Variants in ADARB2 observed in about 807,000 individuals in gnomAD.
ADARB2 encodes inactive double-stranded RNA-specific editase B2.
Under a neutral mutation model 62.2 loss-of-function variants are expected in ADARB2, and 25 were observed. The ratio of observed to expected loss-of-function variants is 0.40; its 90% CI spans 0.29 to 0.56. ADARB2 has a LOEUF of 0.56. Ranked by LOEUF, ADARB2 falls within the 20% of genes least tolerant of loss-of-function variation. The probability of loss-of-function intolerance (pLI) is 0.43; values close to 1 mark genes in which losing one functional copy is unlikely to be tolerated. For synonymous variants in ADARB2, 572 were observed against 500.8 expected, an observed-to-expected ratio of 1.14 and a Z score of -1.90; for missense variants, 1,071 against 1,077.4, an observed-to-expected ratio of 0.99 and a Z score of 0.08.
chr10:1,305,754 A>G (rs1231748356), intron 3 of ADARB2, among the ~76,000 whole-genome samples: 1 of 152,214 alleles, frequency 6.6e-6, no homozygotes, highest in East Asian at 1.9e-4. Flanking sequence ...CAACATACGA[A>G]AATCAATAAA....
intron 1 of ADARB2, among the ~76,000 whole-genome samples, chr10:1,470,335 G>C (rs146030998): frequency 2.6e-5 from 4 of 152,324 alleles, no homozygotes; most frequent in African/African-American, 9.6e-5. Context: ...CAGTACACAC[G>C]TCTTTCCATA....
chr10:1,257,955 C>G (rs1160451221), intron 4 of ADARB2, among the ~76,000 whole-genome samples: 1 of 152,194 alleles, frequency 6.6e-6, no homozygotes. Context: ...CACTCAGTTT[C>G]ACATTTGTTC....
chr10:1,560,896 A>T (rs17221818), intron 1 of ADARB2, among the ~76,000 whole-genome samples: 18,115 of 152,146 alleles, frequency 0.12, 1,337 homozygotes, highest in South Asian at 0.27. Flanking sequence ...TCTTCCAAAT[A>T]CGTCTTGCCA....
rs1564248559 is a variant in ADARB2, at chr10:1,292,997, GGAGGGAAGGAGAGAGGGAGGGGA to G, written c.1078-21951_1078-21929del. On this transcript the variant is annotated intron_variant, in intron 3 of 9. Transcript: ENST00000381312. ...GAGGGAAGGAGAGAGAGAGGGAGAG[GGAGGGAAGGAGAGAGGGAGGGGA>G]GAGAGAGGGACACAGGAAGAGATGC... 5.1e-4 allele frequency: 32 copies of G among 62,400 alleles called. 3 individuals carry two copies. Among genetic ancestry groups the G allele is most frequent in the Admixed American group, 3.8e-4 (2 of 5,252 alleles). 3.9% of individuals were successfully genotyped at this position (62,400 alleles called of 1,614,324 possible).
At chr10:1,491,939 C>A (rs1831627429) in intron 1 of ADARB2, among the ~76,000 whole-genome samples, 1 of 152,202 alleles carries the variant, frequency 6.6e-6, no homozygotes, top group East Asian at 1.9e-4. Flanking sequence ...AAAGCTACTT[C>A]TAATTTGTAA....
chr10:1,362,131 A>C (rs1832264026), intron 3 of ADARB2, among the ~76,000 whole-genome samples: 2 of 152,262 alleles, frequency 1.3e-5, no homozygotes, highest in Admixed American at 6.5e-5. Context: ...GTGCACACTG[A>C]CTTCCTAGAG....
chr10:1,273,839 G>A (rs1831287935), intron 3 of ADARB2, among the ~76,000 whole-genome samples: 1 of 152,188 alleles, frequency 6.6e-6, no homozygotes, highest in Non-Finnish European at 1.5e-5. Flanking sequence ...CATCTCCCAG[G>A]GAAAGCATCC....
At chr10:1,498,912 T>C (rs927740253) in intron 1 of ADARB2, among the ~76,000 whole-genome samples, 3 of 152,094 alleles carry the variant, frequency 2.0e-5, no homozygotes, top group African/African-American at 7.2e-5. Flanking sequence ...CACTCATCAC[T>C]CAACACTCAT....
intron 1 of ADARB2, among the ~76,000 whole-genome samples, chr10:1,435,042 G>A (rs1044790421): frequency 1.3e-5 from 2 of 152,262 alleles, no homozygotes; most frequent in Non-Finnish European, 2.9e-5. Context: ...GGAAGATTCA[G>A]ATCCTCAAAA....
At chr10:1,530,902 TCAGCACTCAGGTCTCAGCACTCAGCACC>T (rs1444468456) in intron 1 of ADARB2, among the ~76,000 whole-genome samples, 10 of 151,294 alleles carry the variant, frequency 6.6e-5, no homozygotes, top group Non-Finnish European at 8.9e-5. Flanking sequence ...GTCTCAGCAC[TCAGCACTCAGGTCTCAGCACTCAGCACC>T]CAGCACTCAG....
intron 1 of ADARB2, among the ~76,000 whole-genome samples, chr10:1,431,508 A>C (rs1280314077): frequency 6.6e-6 from 1 of 152,184 alleles, no homozygotes; most frequent in Admixed American, 6.5e-5. Flanking sequence ...TTACATTAGA[A>C]ATGAAGAAAG....
At chr10:1,508,353 T>C (rs778559001) in intron 1 of ADARB2, among the ~76,000 whole-genome samples, 1 of 152,210 alleles carries the variant, frequency 6.6e-6, no homozygotes, top group South Asian at 2.1e-4. Context: ...AAGCTATGTG[T>C]GAGCATGAAG....
At chr10:1,561,078 A>T (rs1832779969) in intron 1 of ADARB2, among the ~76,000 whole-genome samples, 1 of 152,260 alleles carries the variant, frequency 6.6e-6, no homozygotes. Context: ...AAAAAACACA[A>T]GTGAAACTAA....
At chr10:1,571,611 G>A (rs1564334138) in intron 1 of ADARB2, among the ~76,000 whole-genome samples, 1 of 152,226 alleles carries the variant, frequency 6.6e-6, no homozygotes, top group Non-Finnish European at 1.5e-5. Context: ...TTTAGTTGCA[G>A]AGGTGAGAGT....
rs186226910 is a variant in ADARB2 at position 1,657,552 on chromosome 10, G to A, written c.100+79499C>T. ...CCATCTCTCTCCCCTCTGAAGCCACGGTTTCCTGAAGGTCTCCCATTTCTG... is the reference window on the plus strand; with the variant it reads ...CCATCTCTCTCCCCTCTGAAGCCACAGTTTCCTGAAGGTCTCCCATTTCTG... On this transcript the variant is annotated intron_variant, in intron 1 of 9. Coordinates refer to ENST00000381312, the MANE Select transcript of ADARB2 (RefSeq NM_018702.4). Among the ~76,000 whole-genome samples the A allele has an allele frequency of 3.4e-4, 52 of 152,254 alleles. No homozygotes were observed. The East Asian group carries it at 8.5e-3, about 25-fold the overall frequency.
chr10:1,398,314 T>C lies in ADARB2; in HGVS notation c.101-19154A>G, dbSNP rs1038140938. Among the ~76,000 whole-genome samples the C allele has an allele frequency of 7.9e-5, 12 of 152,214 alleles. No individual in the cohort carries two copies. Among genetic ancestry groups the C allele is most frequent in the Non-Finnish European group, 1.5e-4 (10 of 68,012 alleles). On this transcript the variant is annotated intron_variant, in intron 1 of 9. Transcript: ENST00000381312. The surrounding 1 kb of genome is among the most constrained non-coding windows in gnomAD (Gnocchi z 4.1). ...GCTTCGCCTGCTTCCTGCAATTGTG[T>C]CCAGGGCGCAGGAAGCTGCCCAGCA...
chr10:1,327,431 T>G lies in ADARB2; in HGVS notation c.1077+35597A>C, dbSNP rs373944431. Among the ~76,000 whole-genome samples, 132 of 43,672 alleles carry G rather than the reference T, an allele frequency of 3.0e-3. 19 individuals carry two copies. The highest frequency in any genetic ancestry group is 0.013 in the African/African-American group (83 of 6,224). The allele number at this position is 43,672 out of a possible 152,430, so 28.7% of individuals were successfully genotyped here. A position where few individuals can be genotyped will look rare whatever the true frequency, so the allele number is the denominator to read the frequency against. ...TCCCCACTGCCCAGCGCCTCCCCAC[T>G]GCCCAGCGCCTCCCCACGGCCCAGC... On this transcript the variant is annotated intron_variant, in intron 3 of 9. Transcript: ENST00000381312.
intron 1 of ADARB2, among the ~76,000 whole-genome samples, chr10:1,672,136 G>A (rs1834393800): frequency 6.6e-6 from 1 of 151,832 alleles, no homozygotes; most frequent in Non-Finnish European, 1.5e-5. Flanking sequence ...GTCAGTATGT[G>A]GGGTGGGTGT....
intron 1 of ADARB2, among the ~76,000 whole-genome samples, chr10:1,706,094 C>T (rs1279262140): frequency 3.3e-5 from 5 of 152,182 alleles, no homozygotes; most frequent in Non-Finnish European, 7.3e-5. Context: ...ATGTGAGCAG[C>T]ATCAAATGTT....
Sources: gnomAD v4.1 joint callset for allele counts (sites outside exome capture counted in the v4.1 genomes callset) on GRCh38, gnomAD v4.1.1 for gene constraint, Gnocchi (gnomAD v3.1) non-coding constraint, MANE v1.5 for transcripts, NCBI Gene and HGNC (gene_info 2026-07-23, HGNC 2026-07-21) for gene names.